The following CDYL2 variants were observed in gnomAD, a reference collection of about 807,000 sequenced individuals.
CDYL2 encodes the protein chromodomain Y-like protein 2.
A neutral mutation model predicts 49.4 loss-of-function variants in CDYL2; 23 were observed. The observed-to-expected ratio is 0.47, with a 90% CI of 0.34 to 0.66. CDYL2 has a LOEUF of 0.66. CDYL2 is among the 30% of genes least tolerant of loss of function. The pLI, the probability that CDYL2 is intolerant of heterozygous loss-of-function variation, is 0.01. For synonymous variants in CDYL2, 360 were observed against 268.8 expected (o/e 1.34, Z -3.32); for missense variants, 678 against 656.4 (o/e 1.03, Z -0.36).
intron 1 of CDYL2, among the ~76,000 whole-genome samples, chr16:80,712,801 G>A (rs1904665533): frequency 6.6e-6 from 1 of 152,156 alleles, no homozygotes; most frequent in African/African-American, 2.4e-5. Context: ...TAAGATATCT[G>A]CTTCCTTTCA....
chr16:80,746,792 C>T (rs1324023408), intron 1 of CDYL2, among the ~76,000 whole-genome samples: 1 of 151,842 alleles, frequency 6.6e-6, no homozygotes, highest in African/African-American at 2.4e-5. Flanking sequence ...CACTAGGACA[C>T]TGTGCTTTTA....
chr16:80,766,694 A>T (rs1906737341), intron 1 of CDYL2, among the ~76,000 whole-genome samples: 1 of 152,236 alleles, frequency 6.6e-6, no homozygotes, highest in Admixed American at 6.5e-5. Context: ...GACTGACTCC[A>T]GATAGATAGA....
In CDYL2 at chr16:80,612,517, C is replaced by A. The variant is rs1906643729; in HGVS notation, c.1218+109G>T. ...AAGGACATGAGGCAGCCAAGCCAATCTGCAGGCTGACAACACCCTCAGGTT... is the reference window on the plus strand; with the variant it reads ...AAGGACATGAGGCAGCCAAGCCAATATGCAGGCTGACAACACCCTCAGGTT... On this transcript the variant is annotated intron_variant, in intron 5 of 6. Transcript: ENST00000570137. This position sits in a 1 kb window ranked among gnomAD's most constrained non-coding sequence, Gnocchi z 5.0. The A allele has an allele frequency of 8.9e-7, 1 of 1,128,456 alleles. No homozygotes were observed. The highest frequency in any genetic ancestry group is 1.3e-6 in the Non-Finnish European group (1 of 790,762). 69.9% of individuals were successfully genotyped at this position (1,128,456 alleles called of 1,614,324 possible). A position where few individuals can be genotyped will look rare whatever the true frequency, so the allele number is the denominator to read the frequency against.
At chr16:80,744,696 G>C (rs1905864821) in intron 1 of CDYL2, among the ~76,000 whole-genome samples, 1 of 152,154 alleles carries the variant, frequency 6.6e-6, no homozygotes, top group Non-Finnish European at 1.5e-5. Flanking sequence ...AGGCCATATA[G>C]GGGTCTCCAC....
chr16:80,606,594 T>C (rs1348371761), intron 6 of CDYL2, among the ~76,000 whole-genome samples: 4 of 152,138 alleles, frequency 2.6e-5, no homozygotes, highest in African/African-American at 4.8e-5. Context: ...TTTCTACCTG[T>C]CTCTCCATGA....
In CDYL2 at chr16:80,696,641, C is replaced by G. The variant is rs540149601; in HGVS notation, c.25-11512G>C. ...ACATTCCTGGACACATACAACCTACCAAGATTAAACAGGAAATACAAAATA... is the reference window on the plus strand; with the variant it reads ...ACATTCCTGGACACATACAACCTACGAAGATTAAACAGGAAATACAAAATA... On this transcript the variant is annotated intron_variant, in intron 1 of 6. Coordinates refer to ENST00000570137, the MANE Select transcript of CDYL2 (RefSeq NM_152342.4). Among the ~76,000 whole-genome samples, 3 of 151,364 alleles carry G rather than the reference C, an allele frequency of 2.0e-5. No homozygotes were observed. In the South Asian group the frequency reaches 6.3e-4, roughly 32 times the overall value.
At chr16:80,693,697 G>A (rs1182104382) in intron 1 of CDYL2, among the ~76,000 whole-genome samples, 1 of 152,156 alleles carries the variant, frequency 6.6e-6, no homozygotes, top group Non-Finnish European at 1.5e-5. Context: ...TTACCAATCG[G>A]CTACACAAGG....
At chr16:80,699,691 T>C (rs1371044493) in intron 1 of CDYL2, among the ~76,000 whole-genome samples, 1 of 152,180 alleles carries the variant, frequency 6.6e-6, no homozygotes, top group Non-Finnish European at 1.5e-5. Context: ...CACAAAGAAA[T>C]GACAAATGTT....
chr16:80,672,350 C>CAGAGAG (rs542619896), intron 2 of CDYL2, among the ~76,000 whole-genome samples: 15 of 103,772 alleles, frequency 1.4e-4, no homozygotes, highest in Non-Finnish European at 2.5e-4. Context: ...CACACACACA[C>CAGAGAG]ACAGAGAGAG....
At chr16:80,791,988 A>G (rs575211166) in intron 1 of CDYL2, among the ~76,000 whole-genome samples, 15 of 152,330 alleles carry the variant, frequency 9.8e-5, no homozygotes, top group Non-Finnish European at 1.6e-4. Context: ...TTAAGGAAAA[A>G]GGATGGAGTC....
intron 1 of CDYL2, among the ~76,000 whole-genome samples, chr16:80,698,675 T>TATGTAGC (rs1904286560): frequency 6.6e-6 from 1 of 152,090 alleles, no homozygotes; most frequent in African/African-American, 2.4e-5. Context: ...TGTTTCAAAG[T>TATGTAGC]ATGTAGCATC....
chr16:80,694,107 G>C (rs1910527221), intron 1 of CDYL2, among the ~76,000 whole-genome samples: 2 of 152,198 alleles, frequency 1.3e-5, no homozygotes. Flanking sequence ...AATGGTTTTA[G>C]GATGAAACTG....
At position 80,714,815 on chromosome 16, in the gene CDYL2, G is replaced by A. The variant is rs374915587; in HGVS notation, c.25-29686C>T. Among the ~76,000 whole-genome samples the A allele has an allele frequency of 2.4e-4, 36 of 152,262 alleles. 1 individual carries two copies. Among genetic ancestry groups the A allele is most frequent in the African/African-American group, 7.9e-4 (33 of 41,534 alleles). ...AATTACCCAAAAATAAACTACCAACGTGTTTCACCAAAAGCTCCATTTTTG... is the reference window on the plus strand; with the variant it reads ...AATTACCCAAAAATAAACTACCAACATGTTTCACCAAAAGCTCCATTTTTG... On this transcript the variant is annotated intron_variant, in intron 1 of 6. Coordinates refer to ENST00000570137, the MANE Select transcript of CDYL2 (RefSeq NM_152342.4).
intron 1 of CDYL2, among the ~76,000 whole-genome samples, chr16:80,788,633 T>C (rs564626838): frequency 3.5e-4 from 54 of 152,352 alleles, no homozygotes; most frequent in African/African-American, 1.2e-3. Flanking sequence ...ATAGGCATTT[T>C]ATAATTTATC....
chr16:80,727,283 G>A (rs561826000), intron 1 of CDYL2, among the ~76,000 whole-genome samples: 1 of 152,356 alleles, frequency 6.6e-6, no homozygotes, highest in East Asian at 1.9e-4. Context: ...TGCCTCACTC[G>A]GCAAGCGCAA....
intron 2 of CDYL2, 145 bp downstream of exon 2, chr16:80,684,393 T>A: frequency 1.3e-6 from 1 of 754,074 alleles, no homozygotes; most frequent in Non-Finnish European, 2.1e-6. Context: ...CACAAAGCTC[T>A]AGGTGAGAGA....
rs750237699 is a variant in CDYL2, at chr16:80,620,895, G to A, written c.875C>T (p.Thr292Ile). Reference sequence around the variant, plus strand: ...GAGGAGCAGCAGTTTGCTGTCGTCTGTGGCTGCGTTGCAGAGCGCTCGCCG... The same window carrying A: ...GAGGAGCAGCAGTTTGCTGTCGTCTATGGCTGCGTTGCAGAGCGCTCGCCG... ...EVRRALCNAATDDSKLLLLSA... is the reference protein window; with the variant it reads ...EVRRALCNAAIDDSKLLLLSA... Residue 292 changes from threonine (T) to isoleucine (I), a missense_variant, in exon 4 of 7, where the codon ACA becomes ATA. Around this residue, in one of 3 missense-constraint regions of CDYL2, gnomAD observed 478 missense variants for 427.0 expected, o/e 1.12. Transcript: ENST00000570137. 2 of 1,610,714 alleles carry A rather than the reference G, an allele frequency of 1.2e-6. No individual in the cohort carries two copies. Among genetic ancestry groups the A allele is most frequent in the South Asian group, 2.2e-5 (2 of 90,802 alleles).
Position 80,804,267 on chromosome 16 carries a change from G to T in CDYL2, c.-94C>A. On this transcript the variant is annotated 5_prime_UTR_variant, in exon 1 of 7. Transcript: ENST00000570137. ...CGGGGTCCGGTGTGCGCGTGTGTGT[G>T]CGCGCGTGTGTGTGCGAGTGTGTGT... 1 of 1,153,272 alleles carries T rather than the reference G, an allele frequency of 8.7e-7. No individual in the cohort carries two copies. The highest frequency in any genetic ancestry group is 1.7e-5 in the African/African-American group (1 of 59,966). The allele number at this position is 1,153,272 out of a possible 1,614,324, so 71.4% of individuals were successfully genotyped here.
chr16:80,646,937 CA>C (rs1239664019), intron 2 of CDYL2, among the ~76,000 whole-genome samples: 1 of 147,124 alleles, frequency 6.8e-6, no homozygotes, highest in Non-Finnish European at 1.5e-5. Context: ...CAATGAATAC[CA>C]AAAAAGAGCA....
Sources: allele counts gnomAD v4.1 joint callset (sites outside exome capture counted in the v4.1 genomes callset), GRCh38; gene constraint gnomAD v4.1.1; regional missense constraint gnomAD v4.1.1; non-coding constraint Gnocchi (gnomAD v3.1); transcripts MANE v1.5; gene names NCBI Gene and HGNC (gene_info 2026-07-23, HGNC 2026-07-21).